Variants in TACR3 observed in about 807,000 individuals in gnomAD.
The protein encoded by TACR3 is neuromedin-K receptor.
Under a neutral mutation model 35.0 loss-of-function variants are expected in TACR3, and 34 were observed. The ratio of observed to expected loss-of-function variants is 0.97; its 90% CI spans 0.74 to 1.30. TACR3 has a LOEUF of 1.30. Ranked by LOEUF, TACR3 falls within the 50% of genes most tolerant of loss-of-function variation. The probability of loss-of-function intolerance (pLI) is 0.00; values close to 1 mark genes in which losing one functional copy is unlikely to be tolerated. For synonymous variants in TACR3, 233 were observed against 221.1 expected, an observed-to-expected ratio of 1.05 and a Z score of -0.48; for missense variants, 558 against 591.7, an observed-to-expected ratio of 0.94 and a Z score of 0.59.
At chr4:103,628,389 G>A (rs114648978) in intron 3 of TACR3, among the ~76,000 whole-genome samples, 29,931 of 149,714 alleles carry the variant, frequency 0.2, 3,317 homozygotes, top group East Asian at 0.29. Flanking sequence ...CAAAATTGAT[G>A]ATAGACTGCT....
chr4:103,704,047 T>C (rs1722726854), intron 1 of TACR3, among the ~76,000 whole-genome samples: 1 of 131,310 alleles, frequency 7.6e-6, no homozygotes, highest in Non-Finnish European at 1.5e-5. Flanking sequence ...GAGCTTGCAG[T>C]GAGCCGAGAT....
At chr4:103,634,251 ATCTT>A (rs1725131139) in intron 3 of TACR3, among the ~76,000 whole-genome samples, 2 of 152,128 alleles carry the variant, frequency 1.3e-5, no homozygotes. Context: ...TTGCTTAAAA[ATCTT>A]TCTTTTACTG....
chr4:103,644,861 A>G (rs1024522049), intron 3 of TACR3, among the ~76,000 whole-genome samples: 1 of 151,810 alleles, frequency 6.6e-6, no homozygotes, highest in Non-Finnish European at 1.5e-5. Flanking sequence ...ATAAGTGGAA[A>G]TGTGTCCTGA....
chr4:103,699,645 G>A (rs1395160052), intron 1 of TACR3, among the ~76,000 whole-genome samples: 2 of 152,188 alleles, frequency 1.3e-5, no homozygotes, highest in Non-Finnish European at 2.9e-5. Context: ...GGTAGCAGCA[G>A]TAGGAGTCTT....
chr4:103,695,959 G>C (rs1722511936), intron 1 of TACR3, among the ~76,000 whole-genome samples: 1 of 151,804 alleles, frequency 6.6e-6, no homozygotes, highest in African/African-American at 2.4e-5. Flanking sequence ...ACACTCCTTA[G>C]GTTACCTTTT....
chr4:103,683,468 A>AC (rs1376456002), intron 1 of TACR3, among the ~76,000 whole-genome samples: 4 of 104,474 alleles, frequency 3.8e-5, no homozygotes, highest in Non-Finnish European at 3.7e-5. Flanking sequence ...AGAAAGACTG[A>AC]CCAAAAAAAA....
intron 1 of TACR3, among the ~76,000 whole-genome samples, chr4:103,684,416 A>C (rs1381182528): frequency 6.6e-6 from 1 of 151,740 alleles, no homozygotes; most frequent in Non-Finnish European, 1.5e-5. Context: ...TTTATTTATC[A>C]GCAATGAACA....
At chr4:103,686,392 G>T (rs1446103747) in intron 1 of TACR3, among the ~76,000 whole-genome samples, 1 of 152,056 alleles carries the variant, frequency 6.6e-6, no homozygotes, top group African/African-American at 2.4e-5. Context: ...CTGACTCAGA[G>T]ATAAACCTTT....
chr4:103,676,789 G>C (rs1726180574), intron 1 of TACR3, among the ~76,000 whole-genome samples: 1 of 152,148 alleles, frequency 6.6e-6, no homozygotes, highest in Non-Finnish European at 1.5e-5. Context: ...TACCATTCAA[G>C]ACATAGGCAC....
chr4:103,710,826 C>T (rs1366526083), intron 1 of TACR3, among the ~76,000 whole-genome samples: 2 of 152,116 alleles, frequency 1.3e-5, no homozygotes, highest in East Asian at 1.9e-4. Context: ...ACTGATCCCA[C>T]GGAAATACGA....
intron 3 of TACR3, among the ~76,000 whole-genome samples, chr4:103,649,520 GT>G (rs35211172): frequency 0.41 from 62,220 of 151,662 alleles, 14,745 homozygotes; most frequent in African/African-American, 0.66. Flanking sequence ...ATGCTTCATT[GT>G]TTTTTTATTT....
At chr4:103,648,734 G>A (rs567475142) in intron 3 of TACR3, among the ~76,000 whole-genome samples, 1 of 152,234 alleles carries the variant, frequency 6.6e-6, no homozygotes, top group Admixed American at 6.6e-5. Context: ...TGTGAATAAT[G>A]TTGCAATAAA....
At chr4:103,629,728 C>T (rs571818514) in intron 3 of TACR3, among the ~76,000 whole-genome samples, 2 of 151,588 alleles carry the variant, frequency 1.3e-5, no homozygotes, top group African/African-American at 4.8e-5. Context: ...AGGTAATTTA[C>T]AGATTCAATG....
chr4:103,673,092 T>G (rs1040621217), intron 1 of TACR3, among the ~76,000 whole-genome samples: 1 of 152,172 alleles, frequency 6.6e-6, no homozygotes, highest in Non-Finnish European at 1.5e-5. Context: ...GGCTTTGGCT[T>G]AAGGAAATGT....
Position 103,587,974 on chromosome 4 carries a change from T to TTG in TACR3, c.*1706_*1707dup, listed in dbSNP as rs1158660158. 4 of 148,524 alleles carry TTG rather than the reference T, an allele frequency of 2.7e-5. No individual in the cohort carries two copies. Among genetic ancestry groups the TTG allele is most frequent in the African/African-American group, 1.0e-4 (4 of 38,362 alleles). 9.2% of individuals were successfully genotyped at this position (148,524 alleles called of 1,614,324 possible). Reference sequence around the variant, plus strand: ...TAAATGATTGAATGTGTAGGCACATTTGTATGTGTGTGTGTGTGTGTGTGT... The same window carrying TTG: ...TAAATGATTGAATGTGTAGGCACATTTGTGTATGTGTGTGTGTGTGTGTGTGT... On this transcript the variant is annotated 3_prime_UTR_variant, in exon 5 of 5. Coordinates refer to ENST00000304883, the MANE Select transcript of TACR3 (RefSeq NM_001059.3).
chr4:103,715,057 C>T (rs921267355), intron 1 of TACR3, among the ~76,000 whole-genome samples: 7 of 152,162 alleles, frequency 4.6e-5, no homozygotes, highest in African/African-American at 1.2e-4. Flanking sequence ...GTTGAACGCT[C>T]CTTTTAATAA....
chr4:103,660,035 G>A (rs146769465), intron 1 of TACR3, among the ~76,000 whole-genome samples: 2 of 151,992 alleles, frequency 1.3e-5, no homozygotes, highest in East Asian at 1.9e-4. Flanking sequence ...AATGAATATC[G>A]CATAGGCCAA....
intron 3 of TACR3, among the ~76,000 whole-genome samples, chr4:103,616,302 A>ATGTGTG (rs3839189): frequency 9.1e-4 from 137 of 151,186 alleles, no homozygotes; most frequent in South Asian, 2.1e-3. Context: ...ACATACGTGT[A>ATGTGTG]TGTGTGTGTG....
chr4:103,711,877 G>A (rs1225066024), intron 1 of TACR3, among the ~76,000 whole-genome samples: 2 of 152,150 alleles, frequency 1.3e-5, no homozygotes, highest in African/African-American at 4.8e-5. Flanking sequence ...CAAATCATGA[G>A]TGAACTCCCA....
Sources: allele counts gnomAD v4.1 joint callset (sites outside exome capture counted in the v4.1 genomes callset), GRCh38; gene constraint gnomAD v4.1.1; transcripts MANE v1.5; gene names NCBI Gene and HGNC (gene_info 2026-07-23, HGNC 2026-07-21).